LINGO2: variants seen among roughly 807,000 people sequenced by gnomAD.
LINGO2 encodes leucine-rich repeat and immunoglobulin-like domain-containing nogo receptor-interacting protein 2.
Under a neutral mutation model 30.6 loss-of-function variants are expected in LINGO2, and 14 were observed. The ratio of observed to expected loss-of-function variants is 0.46; its 90% CI spans 0.30 to 0.72. LINGO2 has a LOEUF of 0.72. Among genes scored for constraint, LINGO2 ranks in the 30% least tolerant of loss-of-function variants. The pLI, the probability that LINGO2 is intolerant of heterozygous loss-of-function variation, is 0.07. For synonymous variants in LINGO2, 317 were observed against 288.5 expected (o/e 1.10, Z -1.00); for missense variants, 729 against 751.7 (o/e 0.97, Z 0.35).
chr9:28,224,688 C>A (rs1821086758), intron 4 of LINGO2, among the ~76,000 whole-genome samples: 1 of 152,126 alleles, frequency 6.6e-6, no homozygotes, highest in African/African-American at 2.4e-5. Flanking sequence ...CTGATAACCA[C>A]CGATTTACTT....
chr9:28,970,846 TG>T, the LINGO2 span, among the ~76,000 whole-genome samples: 1 of 152,132 alleles, frequency 6.6e-6, no homozygotes, highest in Non-Finnish European at 1.5e-5. Context: ...AGTGATGAAC[TG>T]GGCCCAGAGA....
At chr9:28,684,881 G>A in the LINGO2 span, among the ~76,000 whole-genome samples, 1 of 151,996 alleles carries the variant, frequency 6.6e-6, no homozygotes, top group Admixed American at 6.6e-5. Context: ...TTGTTATACA[G>A]GTAAATTGCA....
At chr9:28,933,910 T>A in the LINGO2 span, among the ~76,000 whole-genome samples, 1 of 152,224 alleles carries the variant, frequency 6.6e-6, no homozygotes, top group Non-Finnish European at 1.5e-5. Context: ...ATACAATTTA[T>A]TATGGAAGTG....
At chr9:28,185,452 T>C (rs973440858) in intron 4 of LINGO2, among the ~76,000 whole-genome samples, 5 of 152,146 alleles carry the variant, frequency 3.3e-5, no homozygotes, top group Admixed American at 6.5e-5. Context: ...AAAAAAACTT[T>C]AGAAAATGTG....
chr9:29,147,325 T>C, the LINGO2 span, among the ~76,000 whole-genome samples: 1 of 152,138 alleles, frequency 6.6e-6, no homozygotes, highest in African/African-American at 2.4e-5. Flanking sequence ...TTTATGATTC[T>C]TGTTTTGTAA....
At chr9:28,054,191 A>T (rs1289595145) in intron 4 of LINGO2, among the ~76,000 whole-genome samples, 1 of 152,110 alleles carries the variant, frequency 6.6e-6, no homozygotes, top group Non-Finnish European at 1.5e-5. Flanking sequence ...GCATTAGGAG[A>T]AATCTTAATG....
At chr9:28,993,499 C>T in the LINGO2 span, among the ~76,000 whole-genome samples, 1 of 151,988 alleles carries the variant, frequency 6.6e-6, no homozygotes, top group Non-Finnish European at 1.5e-5. Flanking sequence ...AGAGGGAATC[C>T]TCCCTAACTC....
At chr9:28,646,033 T>C (rs1272441143) in intron 1 of LINGO2, among the ~76,000 whole-genome samples, 1 of 152,204 alleles carries the variant, frequency 6.6e-6, no homozygotes, top group Non-Finnish European at 1.5e-5. Context: ...TCACATTTAA[T>C]TGTTTTCATG....
chr9:28,015,141 A>G (rs1822762898), intron 4 of LINGO2, among the ~76,000 whole-genome samples: 1 of 152,200 alleles, frequency 6.6e-6, no homozygotes. Context: ...CTCAGTCCTT[A>G]TTCAAGATCC....
At chr9:29,057,131 T>C in the LINGO2 span, among the ~76,000 whole-genome samples, 3 of 152,074 alleles carry the variant, frequency 2.0e-5, no homozygotes, top group African/African-American at 7.2e-5. Context: ...GTTCTGTAAA[T>C]AATGATGATG....
chr9:29,204,353 C>T, the LINGO2 span, among the ~76,000 whole-genome samples: 1 of 152,148 alleles, frequency 6.6e-6, no homozygotes, highest in African/African-American at 2.4e-5. Flanking sequence ...ATGCACATAA[C>T]ACAATTTCTC....
chr9:28,124,501 A>G (rs1176046490), intron 4 of LINGO2, among the ~76,000 whole-genome samples: 1 of 152,234 alleles, frequency 6.6e-6, no homozygotes, highest in Non-Finnish European at 1.5e-5. Flanking sequence ...GTACACTCCT[A>G]TTAAAGCAAG....
chr9:28,454,272 T>C (rs1329086563), intron 2 of LINGO2, among the ~76,000 whole-genome samples: 2 of 152,036 alleles, frequency 1.3e-5, no homozygotes, highest in Non-Finnish European at 1.5e-5. Context: ...TTGTCTTCCT[T>C]TTATGACACT....
intron 1 of LINGO2, among the ~76,000 whole-genome samples, chr9:28,501,041 A>G (rs10123691): frequency 6.6e-6 from 1 of 152,020 alleles, no homozygotes; most frequent in African/African-American, 2.4e-5. Flanking sequence ...CATTCTATCT[A>G]CCAACTGCAG....
At chr9:28,455,767 C>T (rs1824821652) in intron 2 of LINGO2, among the ~76,000 whole-genome samples, 2 of 152,104 alleles carry the variant, frequency 1.3e-5, no homozygotes, top group Non-Finnish European at 2.9e-5. Flanking sequence ...ATTAGACAGC[C>T]TTCATCTAAT....
At chr9:28,981,613 G>A in the LINGO2 span, among the ~76,000 whole-genome samples, 3 of 152,092 alleles carry the variant, frequency 2.0e-5, no homozygotes, top group Non-Finnish European at 4.4e-5. Flanking sequence ...TGGAGTGGCA[G>A]GTATGTGGTG....
At chr9:28,646,163 G>C (rs16913460) in intron 1 of LINGO2, among the ~76,000 whole-genome samples, 16,540 of 151,852 alleles carry the variant, frequency 0.11, 1,290 homozygotes, top group Admixed American at 0.2. Context: ...ATGAAATCTC[G>C]GGGAAGTGCT....
the LINGO2 span, among the ~76,000 whole-genome samples, chr9:29,135,223 C>T: frequency 6.6e-6 from 1 of 152,004 alleles, no homozygotes; most frequent in Non-Finnish European, 1.5e-5. Context: ...CATACTCTTT[C>T]CCAACATGGG....
chr9:28,564,724 A>T (rs1301479231), intron 1 of LINGO2, among the ~76,000 whole-genome samples: 1 of 151,984 alleles, frequency 6.6e-6, no homozygotes, highest in Non-Finnish European at 1.5e-5. Flanking sequence ...GCACCAATAA[A>T]CCTGCACTGT....
Sources: gnomAD v4.1 joint callset for allele counts (sites outside exome capture counted in the v4.1 genomes callset) on GRCh38, gnomAD v4.1.1 for gene constraint, MANE v1.5 for transcripts, NCBI Gene and HGNC (gene_info 2026-07-23, HGNC 2026-07-21) for gene names.